Variants in ADAD1 observed in about 807,000 individuals in gnomAD.
ADAD1 encodes the protein adenosine deaminase domain-containing protein 1.
ADAD1 carries 46 observed loss-of-function variants against 66.8 expected under a neutral mutation model. The ratio of observed to expected loss-of-function variants is 0.69; its 90% confidence interval spans 0.54 to 0.88. The LOEUF (loss-of-function observed/expected upper bound fraction) is 0.88. Ranked by LOEUF, ADAD1 falls within the 40% of genes least tolerant of loss-of-function variation. The probability of loss-of-function intolerance (pLI) is 0.00; values close to 1 mark genes in which losing one functional copy is unlikely to be tolerated. For synonymous variants in ADAD1, 248 were observed against 229.4 expected (o/e 1.08, Z -0.73); for missense variants, 617 against 681.8 (o/e 0.91, Z 1.06).
rs534504636 is a variant in ADAD1 at position 122,395,409 on chromosome 4, G to A, written c.599-843G>A. Among the ~76,000 whole-genome samples the A allele has an allele frequency of 1.9e-3, 284 of 152,166 alleles. 1 individual carries two copies. Among genetic ancestry groups the A allele is most frequent in the Non-Finnish European group, 3.3e-3 (225 of 67,974 alleles). On this transcript the variant is annotated intron_variant, in intron 6 of 12. Coordinates refer to ENST00000296513, the MANE Select transcript of ADAD1 (RefSeq NM_139243.4). ...TTCATTAAAAATAATGAGGCCGGGC[G>A]CGGTGGCTCACGCCTATGATCCCAG...
rs1263852844 is a variant in ADAD1, at chr4:122,380,046, T to G, written c.-8-16T>G. 6.3e-7 allele frequency: 1 copy of G among 1,590,154 alleles called. No homozygotes were observed. The highest frequency in any genetic ancestry group is 8.5e-7 in the Non-Finnish European group (1 of 1,172,220). On this transcript the variant is annotated splice_polypyrimidine_tract_variant and intron_variant, in intron 2 of 12. Transcript: ENST00000296513. The stretch of plus-strand genomic sequence containing the variant: ...CGTTTTGTCTTGTTTTCTGCCAATT[T>G]TATCGTGACCTCTAGGTGAGAAAAT...
rs1268556793 is a variant in ADAD1, at chr4:122,396,332, T to A, written c.679T>A (p.Tyr227Asn). The A allele has an allele frequency of 3.7e-6, 6 of 1,604,630 alleles. No homozygotes were observed. Among genetic ancestry groups the A allele is most frequent in the African/African-American group, 1.3e-5 (1 of 74,644 alleles). ...FNQLISNRSEYLKYSSSLAAF... is the reference protein window; with the variant it reads ...FNQLISNRSENLKYSSSLAAF... ...TCAACTAATTTCTAATCGTTCAGAA[T>A]ACCTGAAATATAGCAGTTCATTGGC... Residue 227 changes from tyrosine to asparagine, a missense_variant, in exon 7 of 13, where the codon TAC becomes AAC. Tyr to Asn is a moderately radical substitution (Grantham distance 143). Coordinates refer to ENST00000296513, the MANE Select transcript of ADAD1 (RefSeq NM_139243.4).
chr4:122,380,711 G>C (rs980933184), intron 3 of ADAD1, among the ~76,000 whole-genome samples: 4 of 152,030 alleles, frequency 2.6e-5, no homozygotes, highest in Admixed American at 2.6e-4. Context: ...AAAATTTCTT[G>C]GTTTCTGGAG....
At position 122,415,563 on chromosome 4, in the gene ADAD1, A is replaced by G. The variant is rs958770438; in HGVS notation, c.1434A>G (p.Gln478=). ...EYKFLSLNWA[Q]GDVSLEIVDG... ...AATTTCTGAGTCTGAATTGGGCACAAGGAGATGTTTCTTTGGAGATTGTGG... is the reference window on the plus strand; with the variant it reads ...AATTTCTGAGTCTGAATTGGGCACAGGGAGATGTTTCTTTGGAGATTGTGG... Residue 478 remains glutamine (Q), a synonymous_variant, in exon 11 of 13, where the codon CAA becomes CAG. Coordinates refer to ENST00000296513, the MANE Select transcript of ADAD1 (RefSeq NM_139243.4). 5.0e-6 allele frequency: 8 copies of G among 1,613,788 alleles called. No homozygotes were observed. The African/African-American group carries it at 8.0e-5, about 16-fold the overall frequency.
At chr4:122,406,997 A>G (rs1796243286) in intron 7 of ADAD1, among the ~76,000 whole-genome samples, 1 of 152,044 alleles carries the variant, frequency 6.6e-6, no homozygotes, top group Non-Finnish European at 1.5e-5. Flanking sequence ...GTCTTGCTCA[A>G]CATTTTATTC....
intron 11 of ADAD1, among the ~76,000 whole-genome samples, chr4:122,418,596 A>G (rs1408694033): frequency 3.3e-5 from 5 of 152,122 alleles, no homozygotes; most frequent in Non-Finnish European, 7.4e-5. Flanking sequence ...TGCTGGGATT[A>G]CAGGCGTGAG....
At chr4:122,406,702 A>G (rs1229716545) in intron 7 of ADAD1, among the ~76,000 whole-genome samples, 2 of 152,018 alleles carry the variant, frequency 1.3e-5, no homozygotes, top group African/African-American at 4.8e-5. Context: ...TTACTAGATT[A>G]GCTATACTTC....
intron 10 of ADAD1, among the ~76,000 whole-genome samples, chr4:122,414,441 TTA>T (rs1178569078): frequency 6.6e-6 from 1 of 152,028 alleles, no homozygotes; most frequent in Admixed American, 6.6e-5. Flanking sequence ...TTTTATTTGA[TTA>T]GTTTTCTTTT....
At chr4:122,421,018 A>G (rs189121363) in intron 11 of ADAD1, among the ~76,000 whole-genome samples, 14 of 152,296 alleles carry the variant, frequency 9.2e-5, no homozygotes, top group African/African-American at 2.9e-4. Flanking sequence ...TACAATAGAA[A>G]TGTTCCAAGG....
Position 122,379,981 on chromosome 4 carries a change from G to A in ADAD1, c.-8-81G>A, listed in dbSNP as rs1167587398. 2.1e-5 allele frequency: 28 copies of A among 1,356,732 alleles called. 1 individual carries two copies. The highest frequency in any genetic ancestry group is 2.6e-5 in the Non-Finnish European group (26 of 1,003,406). 84.0% of individuals were successfully genotyped at this position (1,356,732 alleles called of 1,614,324 possible). ...GCCAAGGCCATTTATGGAAATAATG[G>A]GGGGGTGGGGTTTGGAGTAAATATT... is the stretch of plus-strand genomic sequence containing the variant. On this transcript the variant is annotated intron_variant, in intron 2 of 12. Transcript: ENST00000296513.
chr4:122,409,219 G>C (rs964240730), intron 8 of ADAD1, among the ~76,000 whole-genome samples: 1 of 152,148 alleles, frequency 6.6e-6, no homozygotes, highest in Non-Finnish European at 1.5e-5. Flanking sequence ...GGAATGAATA[G>C]CAAGTGGGAA....
At position 122,411,255 on chromosome 4, in the gene ADAD1, C is replaced by G. The variant is rs1560597217; in HGVS notation, c.882C>G (p.Ser294Arg). 1 of 1,608,148 alleles carries G rather than the reference C, an allele frequency of 6.2e-7. No homozygotes were observed. Among genetic ancestry groups the G allele is most frequent in the East Asian group, 2.2e-5 (1 of 44,752 alleles). Residue 294 changes from serine (S) to arginine (R), a missense_variant, in exon 9 of 13, where the codon AGC becomes AGG. By Grantham distance (110) the Ser-to-Arg change is moderately radical (BLOSUM62 -1). Transcript: ENST00000296513. ...ATAGACAACTTCTGCTCTTCTACAG[C>G]AAAAATCCTGCTATGATGGAAAAAT... ...YFYRQLLLFYSKNPAMMEKSI... is the reference protein window; with the variant it reads ...YFYRQLLLFYRKNPAMMEKSI...
intron 12 of ADAD1, among the ~76,000 whole-genome samples, chr4:122,423,181 C>T (rs970319236): frequency 6.6e-6 from 1 of 152,034 alleles, no homozygotes; most frequent in East Asian, 1.9e-4. Flanking sequence ...AGGAGGTATA[C>T]TTGATTTGGG....
At chr4:122,392,370 A>G (rs1453354388) in intron 5 of ADAD1, among the ~76,000 whole-genome samples, 3 of 152,336 alleles carry the variant, frequency 2.0e-5, no homozygotes, top group East Asian at 3.9e-4. Context: ...CTATGCAGCC[A>G]TTAAAAAAAT....
At chr4:122,420,839 G>T (rs1024671584) in intron 11 of ADAD1, among the ~76,000 whole-genome samples, 2 of 152,132 alleles carry the variant, frequency 1.3e-5, no homozygotes, top group Admixed American at 6.5e-5. Flanking sequence ...AAAACTTCTT[G>T]CAGTGAAACA....
intron 10 of ADAD1, among the ~76,000 whole-genome samples, chr4:122,414,610 A>G (rs1796642549): frequency 6.6e-6 from 1 of 152,098 alleles, no homozygotes; most frequent in South Asian, 2.1e-4. Flanking sequence ...CAACAATTTT[A>G]ATCATAAGGA....
intron 12 of ADAD1, among the ~76,000 whole-genome samples, chr4:122,427,449 A>G (rs765421142): frequency 6.6e-6 from 1 of 152,040 alleles, no homozygotes; most frequent in African/African-American, 2.4e-5. Flanking sequence ...TTTCAATGCA[A>G]AATTAAAGTT....
intron 7 of ADAD1, among the ~76,000 whole-genome samples, chr4:122,406,443 A>G (rs1580778281): frequency 6.6e-6 from 1 of 152,150 alleles, no homozygotes; most frequent in Non-Finnish European, 1.5e-5. Context: ...TGGGAGTTAC[A>G]TATATACTTT....
At chr4:122,409,932 G>A (rs1215118475) in intron 8 of ADAD1, among the ~76,000 whole-genome samples, 5 of 151,730 alleles carry the variant, frequency 3.3e-5, no homozygotes, top group Admixed American at 6.6e-5. Context: ...TGCCCCCCTC[G>A]GCCTCCCAAA....
Sources: gnomAD v4.1 joint callset for allele counts (sites outside exome capture counted in the v4.1 genomes callset) on GRCh38, gnomAD v4.1.1 for gene constraint, MANE v1.5 for transcripts, NCBI Gene and HGNC (gene_info 2026-07-23, HGNC 2026-07-21) for gene names.